The following COQ8A variants were observed in gnomAD, a reference collection of about 807,000 sequenced individuals.
COQ8A encodes the protein atypical kinase COQ8A, mitochondrial.
COQ8A carries 51 observed loss-of-function variants against 65.0 expected under a neutral mutation model. That is an observed-to-expected ratio of 0.78 (90% CI 0.63 to 0.99). The LOEUF is 0.99. Ranked by LOEUF, COQ8A falls within the 50% of genes least tolerant of loss-of-function variation. The probability of loss-of-function intolerance (pLI) is 0.00; values close to 1 mark genes in which losing one functional copy is unlikely to be tolerated. For missense variants in COQ8A, 940 were observed against 875.0 expected (o/e 1.07, Z -0.94); for synonymous variants, 371 against 353.2 (o/e 1.05, Z -0.57).
intron 4 of COQ8A, among the ~76,000 whole-genome samples, chr1:226,974,285 C>T (rs988889682): frequency 5.9e-5 from 9 of 152,208 alleles, no homozygotes; most frequent in African/African-American, 1.9e-4. Context: ...TAACTTCTCT[C>T]GGAGAAACAT....
At position 226,961,452 on chromosome 1, in the gene COQ8A, G is replaced by A. The variant is rs35582308; in HGVS notation, c.67G>A (p.Val23Met). The part of the protein sequence containing the change: ...KGLVKLTQAA[V>M]ETHLQHLGIG... ...CCTTGTCAAGCTGACCCAGGCGGCC[G>A]TGGAAACCCACCTGCAGCACTTGGG... The change falls in exon 2 of 15, where the codon GTG becomes ATG. Residue 23 changes from valine to methionine, a missense_variant. Val to Met is a conservative substitution (Grantham distance 21, BLOSUM62 1). Transcript: ENST00000366777. 8.8e-4 allele frequency: 1,422 copies of A among 1,613,846 alleles called. 2 individuals are homozygous for A. Among genetic ancestry groups the A allele is most frequent in the Non-Finnish European group, 1.1e-3 (1,348 of 1,180,036 alleles).
chr1:226,974,483 G>C (rs1659075465), intron 4 of COQ8A, among the ~76,000 whole-genome samples: 1 of 152,246 alleles, frequency 6.6e-6, no homozygotes, highest in Admixed American at 6.5e-5. Flanking sequence ...AGGGCTGTGG[G>C]GGTGCCGAGT....
chr1:226,975,986 G>A (rs138572740), intron 4 of COQ8A, among the ~76,000 whole-genome samples: 1 of 152,062 alleles, frequency 6.6e-6, no homozygotes, highest in African/African-American at 2.4e-5. Flanking sequence ...GTTTCCTTGC[G>A]CCTTAAACAG....
Position 226,983,573 on chromosome 1 carries a change from A to G in COQ8A, c.1102A>G (p.Ile368Val), listed in dbSNP as rs758002606. Residue 368 changes from isoleucine (I) to valine (V), a missense_variant, in exon 9 of 15, where the codon ATC (isoleucine) becomes GTC (valine). Coordinates refer to ENST00000366777, the MANE Select transcript of COQ8A (RefSeq NM_020247.5). ...ACAGTACCCTGGCGTGGCCCAGAGCATCAACAGTGATGTCAACAACCTCAT... is the reference window on the plus strand; with the variant it reads ...ACAGTACCCTGGCGTGGCCCAGAGCGTCAACAGTGATGTCAACAACCTCAT... ...KIQYPGVAQS[I>V]NSDVNNLMAV... 2 of 1,613,940 alleles carry G rather than the reference A, an allele frequency of 1.2e-6. No homozygotes were observed. Among genetic ancestry groups the G allele is most frequent in the East Asian group, 4.5e-5 (2 of 44,872 alleles).
chr1:226,961,689 T>A (rs1318555223), intron 2 of COQ8A, 127 bp downstream of exon 2: 5 of 1,177,758 alleles, frequency 4.2e-6, no homozygotes, highest in Non-Finnish European at 4.7e-6. Context: ...GCCCACCAGC[T>A]AATGTGTCCC....
In COQ8A at chr1:226,987,412, C is replaced by G. The variant is rs1484599413; in HGVS notation, c.*675C>G. On this transcript the variant is annotated 3_prime_UTR_variant, in exon 15 of 15. Coordinates refer to ENST00000366777, the MANE Select transcript of COQ8A (RefSeq NM_020247.5). ...GAAGGCGGGGTGGGACTTCCTTCCT[C>G]TGTCCGGAGAGGCACAGGTGTCACC... The G allele has an allele frequency of 6.5e-6, 1 of 153,038 alleles. No individual in the cohort carries two copies. The highest frequency in any genetic ancestry group is 1.9e-4 in the East Asian group (1 of 5,194). 9.5% of individuals were successfully genotyped at this position (153,038 alleles called of 1,614,324 possible).
chr1:226,961,094 G>A (rs1166262479), intron 1 of COQ8A, among the ~76,000 whole-genome samples: 1 of 152,172 alleles, frequency 6.6e-6, no homozygotes, highest in East Asian at 1.9e-4. Context: ...CAGGTTTTCC[G>A]TAGGGTGCTT....
rs1660137495 is a variant in COQ8A, at chr1:226,986,642, T to C, written c.1849T>C (p.Phe617Leu). ...YSLHRKMGGS[F>L]LICSKLKARF... ...CCTGCACAGGAAGATGGGGGGCTCC[T>C]TCCTCATCTGCTCCAAGCTGAAGGC... Residue 617 changes from phenylalanine to leucine, a missense_variant, in exon 15 of 15, where the codon TTC becomes CTC. By Grantham distance (22) the Phe-to-Leu change is conservative. Coordinates refer to ENST00000366777, the MANE Select transcript of COQ8A (RefSeq NM_020247.5). The C allele has an allele frequency of 6.2e-7, 1 of 1,613,946 alleles. No individual in the cohort carries two copies. Among genetic ancestry groups the C allele is most frequent in the Non-Finnish European group, 8.5e-7 (1 of 1,179,970 alleles).
Position 226,986,767 on chromosome 1 carries a change from C to T in COQ8A, c.*30C>T, listed in dbSNP as rs532445312. ...GCGGGCCACGCCCAGGCCGGCTCCG[C>T]GGGAACTCTCTCCCTCAGACAGGCC... On this transcript the variant is annotated 3_prime_UTR_variant, in exon 15 of 15. Transcript: ENST00000366777. 88 of 1,604,122 alleles carry T rather than the reference C, an allele frequency of 5.5e-5. 1 individual carries two copies. The South Asian group carries it at 5.6e-4, about 10-fold the overall frequency.
intron 5 of COQ8A, among the ~76,000 whole-genome samples, chr1:226,977,765 T>C (rs1163722494): frequency 6.6e-6 from 1 of 151,994 alleles, no homozygotes; most frequent in Non-Finnish European, 1.5e-5. Context: ...CAGCCCCTTC[T>C]TTTTGGCTGC....
chr1:226,978,748 C>A lies in COQ8A; in HGVS notation c.730+1225C>A, dbSNP rs1159913464. On this transcript the variant is annotated intron_variant, in intron 5 of 14. Coordinates refer to ENST00000366777, the MANE Select transcript of COQ8A (RefSeq NM_020247.5). ...CACCTCATACCTGCACACCTCCTTA[C>A]ACACCCACCTCACACCCGCATACCT... 8.0e-5 allele frequency among the ~76,000 whole-genome samples: 9 copies of A among 112,730 alleles called. 3 individuals are homozygous for A. The highest frequency in any genetic ancestry group is 1.9e-4 in the Non-Finnish European group (9 of 47,734). The allele number at this position is 112,730 out of a possible 152,430, so 74.0% of individuals were successfully genotyped here.
Position 226,984,792 on chromosome 1 carries a change from C to T in COQ8A, c.1507-84C>T, listed in dbSNP as rs544700778. 57 of 1,517,844 alleles carry T rather than the reference C, an allele frequency of 3.8e-5. 1 individual carries two copies. The East Asian group carries it at 5.2e-4, about 14-fold the overall frequency. 94.0% of individuals were successfully genotyped at this position (1,517,844 alleles called of 1,614,324 possible). On this transcript the variant is annotated intron_variant, in intron 12 of 14. Coordinates refer to ENST00000366777, the MANE Select transcript of COQ8A (RefSeq NM_020247.5). ...CTCTGGGAGTGGGGATCCTCACTGC[C>T]CTCTGTTGCACCCCCTTCCCGGCCC...
chr1:226,985,056 G>A (rs1659999261), intron 13 of COQ8A, 115 bp downstream of exon 13: 7 of 1,390,574 alleles, frequency 5.0e-6, no homozygotes, highest in East Asian at 2.3e-5. Context: ...CCCCATCTGC[G>A]CTGCCTGCCC....
At chr1:226,965,454 A>G (rs761292912) in intron 3 of COQ8A, 44 bp downstream of exon 3, 10 of 1,590,294 alleles carry the variant, frequency 6.3e-6, no homozygotes, top group Non-Finnish European at 8.5e-6. Flanking sequence ...GCTGCCACCC[A>G]CAGCAGTGAT....
At chr1:226,942,692 A>G (rs1656777443) in intron 1 of COQ8A, among the ~76,000 whole-genome samples, 1 of 152,088 alleles carries the variant, frequency 6.6e-6, no homozygotes, top group African/African-American at 2.4e-5. Context: ...TTTCAAACAT[A>G]CGTATGTGTA....
At chr1:226,957,966 G>T (rs1657914310) in intron 1 of COQ8A, 1 of 152,132 alleles carries the variant, frequency 6.6e-6, no homozygotes, top group Non-Finnish European at 1.5e-5. Flanking sequence ...ACAGCCTTGT[G>T]CAGCTTTCCT....
chr1:226,982,062 T>C lies in COQ8A; in HGVS notation c.766T>C (p.Ser256Pro), dbSNP rs536447170. The C allele has an allele frequency of 6.2e-7, 1 of 1,612,904 alleles. No homozygotes were observed. Among genetic ancestry groups the C allele is most frequent in the East Asian group, 2.2e-5 (1 of 44,872 alleles). Residue 256 changes from serine to proline, a missense_variant, in exon 6 of 15, where the codon TCC becomes CCC. By Grantham distance (74) the Ser-to-Pro change is moderately conservative. Transcript: ENST00000366777. ...KAVLGSSPFL[S>P]EANAERIVRT... The stretch of plus-strand genomic sequence containing the variant: ...CGTGCTGGGTTCCAGTCCTTTCCTG[T>C]CCGAGGCCAATGCAGAGCGGATCGT...
intron 1 of COQ8A, among the ~76,000 whole-genome samples, chr1:226,953,312 G>A (rs1331446996): frequency 6.6e-6 from 1 of 152,238 alleles, no homozygotes; most frequent in African/African-American, 2.4e-5. Flanking sequence ...ACAGGCATGA[G>A]CCACTGTGCC....
At chr1:226,945,699 A>C (rs1241097408) in intron 1 of COQ8A, among the ~76,000 whole-genome samples, 1 of 152,170 alleles carries the variant, frequency 6.6e-6, no homozygotes, top group Non-Finnish European at 1.5e-5. Flanking sequence ...CTTGGTGCTC[A>C]CGGTTCATGG....
Sources: allele counts gnomAD v4.1 joint callset (sites outside exome capture counted in the v4.1 genomes callset), GRCh38; gene constraint gnomAD v4.1.1; transcripts MANE v1.5; gene names NCBI Gene and HGNC (gene_info 2026-07-23, HGNC 2026-07-21).